The following GPHN variants were observed in gnomAD, a reference collection of about 807,000 sequenced individuals.
GPHN encodes the protein gephyrin.
A neutral mutation model predicts 95.5 loss-of-function variants in GPHN; 17 were observed. The observed-to-expected ratio is 0.18, with a 90% CI of 0.12 to 0.27. The LOEUF is 0.27. Ranked by LOEUF, GPHN falls within the 10% of genes least tolerant of loss-of-function variation. The probability of loss-of-function intolerance (pLI) is 1.00; values close to 1 mark genes in which losing one functional copy is unlikely to be tolerated. For missense variants in GPHN, 660 were observed against 978.1 expected (o/e 0.67, Z 4.34); for synonymous variants, 320 against 322.5 (o/e 0.99, Z 0.08).
At chr14:67,356,367 G>A in the GPHN span, among the ~76,000 whole-genome samples, 1 of 151,366 alleles carries the variant, frequency 6.6e-6, no homozygotes. Context: ...GTTGCAGTGA[G>A]CCAAGATCGG....
intron 2 of GPHN, among the ~76,000 whole-genome samples, chr14:66,732,179 A>G (rs2071828876): frequency 6.6e-6 from 1 of 152,196 alleles, no homozygotes; most frequent in African/African-American, 2.4e-5. Context: ...CCACTGGGGC[A>G]CTGCCTAGTG....
intron 4 of GPHN, among the ~76,000 whole-genome samples, chr14:66,877,379 C>G (rs2063718740): frequency 6.6e-6 from 1 of 152,162 alleles, no homozygotes; most frequent in South Asian, 2.1e-4. Context: ...ATTGGAAGTT[C>G]TGGCCAGAGC....
At chr14:66,609,668 A>G (rs1181555842) in intron 1 of GPHN, among the ~76,000 whole-genome samples, 1 of 152,126 alleles carries the variant, frequency 6.6e-6, no homozygotes, top group Non-Finnish European at 1.5e-5. Context: ...AGTTGAATTG[A>G]AAGAACTAAA....
the GPHN span, chr14:67,388,098 A>G: frequency 1.6e-6 from 1 of 620,002 alleles, no homozygotes; most frequent in Non-Finnish European, 2.9e-6. Context: ...CAAAACTCAC[A>G]CCACTCTGTC....
intron 5 of GPHN, among the ~76,000 whole-genome samples, chr14:66,902,571 C>A (rs10151049): frequency 0.21 from 31,731 of 151,910 alleles, 8,201 homozygotes; most frequent in African/African-American, 0.61. Flanking sequence ...GGGTTTTTAT[C>A]ATAAAAGCAT....
chr14:66,943,430 A>G (rs1024184650), intron 8 of GPHN, among the ~76,000 whole-genome samples: 28 of 152,218 alleles, frequency 1.8e-4, no homozygotes, highest in African/African-American at 6.3e-4. Context: ...GGTTAGTACT[A>G]CATGTCCCTA....
At chr14:67,113,997 T>C (rs2078528458) in intron 16 of GPHN, among the ~76,000 whole-genome samples, 2 of 152,238 alleles carry the variant, frequency 1.3e-5, no homozygotes, top group Non-Finnish European at 2.9e-5. Context: ...AAAATCTCTT[T>C]GTTCTGAAAA....
chr14:67,374,951 G>A, the GPHN span, among the ~76,000 whole-genome samples: 1 of 152,180 alleles, frequency 6.6e-6, no homozygotes, highest in South Asian at 2.1e-4. Context: ...GAGGGTAACG[G>A]AGACAACCAG....
chr14:67,252,878 A>G, the GPHN span, among the ~76,000 whole-genome samples: 1 of 152,230 alleles, frequency 6.6e-6, no homozygotes, highest in South Asian at 2.1e-4. Flanking sequence ...TTGAAACACA[A>G]TTTCATTTAT....
the GPHN span, among the ~76,000 whole-genome samples, chr14:67,311,196 A>G: frequency 6.6e-6 from 1 of 151,762 alleles, no homozygotes; most frequent in Admixed American, 6.6e-5. Flanking sequence ...CTGTAATCCC[A>G]GCTACTCGGG....
the GPHN span, among the ~76,000 whole-genome samples, chr14:67,231,681 C>T: frequency 6.6e-6 from 1 of 151,988 alleles, no homozygotes; most frequent in Non-Finnish European, 1.5e-5. Flanking sequence ...AATTATACCT[C>T]AATAGGCCAA....
At chr14:66,649,562 A>G (rs2064938009) in intron 1 of GPHN, among the ~76,000 whole-genome samples, 2 of 152,140 alleles carry the variant, frequency 1.3e-5, no homozygotes, top group South Asian at 4.1e-4. Flanking sequence ...TGTGAACCCT[A>G]TTGTGAACTA....
chr14:66,628,746 A>C (rs1029076823), intron 1 of GPHN, among the ~76,000 whole-genome samples: 3 of 152,074 alleles, frequency 2.0e-5, no homozygotes, highest in Non-Finnish European at 4.4e-5. Flanking sequence ...TTAGCTTAAA[A>C]CATAAACATA....
chr14:67,214,828 C>T, the GPHN span, among the ~76,000 whole-genome samples: 1 of 152,010 alleles, frequency 6.6e-6, no homozygotes, highest in Non-Finnish European at 1.5e-5. Flanking sequence ...TATTTGTATC[C>T]TCTTTGATTT....
chr14:67,563,752 G>A, the GPHN span, among the ~76,000 whole-genome samples: 5 of 95,504 alleles, frequency 5.2e-5, no homozygotes, highest in Admixed American at 4.2e-4. Flanking sequence ...TTTTTTTTTC[G>A]AGACAGAGTC....
At chr14:66,950,780 C>A (rs192156383) in intron 8 of GPHN, among the ~76,000 whole-genome samples, 31 of 152,072 alleles carry the variant, frequency 2.0e-4, no homozygotes, top group Non-Finnish European at 4.4e-4. Flanking sequence ...TTTTGAACCA[C>A]CCTCTCATTC....
intron 9 of GPHN, among the ~76,000 whole-genome samples, chr14:67,012,016 A>G (rs935036121): frequency 3.9e-5 from 6 of 152,222 alleles, no homozygotes; most frequent in African/African-American, 1.4e-4. Context: ...AAATGAAACA[A>G]AAATCACTAA....
chr14:66,576,483 A>C (rs2060904919), intron 1 of GPHN, among the ~76,000 whole-genome samples: 1 of 124,946 alleles, frequency 8.0e-6, no homozygotes, highest in African/African-American at 4.4e-5. Context: ...TCCTCTCTGT[A>C]CTTTTTTTTT....
chr14:67,347,334 C>T, the GPHN span: 2 of 1,232,752 alleles, frequency 1.6e-6, no homozygotes, highest in Non-Finnish European at 1.2e-6. Context: ...GCACCATTTT[C>T]CAGAACTTAG....
Sources: gnomAD v4.1 joint callset for allele counts (sites outside exome capture counted in the v4.1 genomes callset) on GRCh38, gnomAD v4.1.1 for gene constraint, MANE v1.5 for transcripts, NCBI Gene and HGNC (gene_info 2026-07-23, HGNC 2026-07-21) for gene names.